RPL31: variants seen among roughly 807,000 people sequenced by gnomAD.
The protein encoded by RPL31 is ribosomal protein L31, also known as large ribosomal subunit protein eL31.
For missense variants in RPL31, 95 were observed against 164.0 expected (o/e 0.58, Z 2.30); for synonymous variants, 51 against 55.0 (o/e 0.93, Z 0.32).
At chr2:101,014,616 T>C (rs897228253) in intron 4 of RPL31, among the ~76,000 whole-genome samples, 1 of 152,250 alleles carries the variant, frequency 6.6e-6, no homozygotes, top group African/African-American at 2.4e-5. Context: ...TGGTGAGCCT[T>C]CTTCCCCTAT....
At chr2:101,007,610 C>A, downstream of RPL31, 1 of 559,744 alleles carries the variant, frequency 1.8e-6, no homozygotes, top group Non-Finnish European at 3.1e-6. Flanking sequence ...ATCAAGGGAA[C>A]CAATGGATAC....
At chr2:101,006,228 C>A in intron 4 of RPL31, 122 bp from the exon 5 acceptor site, 1 of 1,511,478 alleles carries the variant, frequency 6.6e-7, no homozygotes, top group Non-Finnish European at 8.8e-7. Context: ...AAAACTGATC[C>A]ATATCTGGGA....
At chr2:101,007,850 G>A, downstream of RPL31, 6 of 1,613,240 alleles carry the variant, frequency 3.7e-6, no homozygotes, top group East Asian at 2.2e-5. Context: ...AGTTCAGATT[G>A]TGATTGGTGG....
chr2:101,019,625 A>G (rs1679901941), exon 5 of RPL31: 1 of 152,380 alleles, frequency 6.6e-6, no homozygotes, highest in Non-Finnish European at 1.5e-5. Flanking sequence ...GTTACACAGT[A>G]TGAATATCAC....
chr2:101,004,421 C>CT (rs1678643532), intron 3 of RPL31, 138 bp downstream of exon 3: 1 of 902,258 alleles, frequency 1.1e-6, no homozygotes, highest in African/African-American at 1.7e-5. Flanking sequence ...GTGACCGTGA[C>CT]TTAGGGTGTG....
intron 1 of RPL31, 80 bp from the exon 2 acceptor site, chr2:101,002,622 T>C (rs1678583567): frequency 8.4e-7 from 1 of 1,191,614 alleles, no homozygotes; most frequent in African/African-American, 1.5e-5. Context: ...GCCCCGAGAG[T>C]GACAGCGTGA....
chr2:101,006,184 T>A (rs2105350565), intron 4 of RPL31, 113 bp downstream of exon 4: 2 of 1,512,908 alleles, frequency 1.3e-6, no homozygotes, highest in East Asian at 2.4e-5. Flanking sequence ...GTACCCTTTT[T>A]AAATTGTTGG....
At chr2:101,008,008 C>T, downstream of RPL31, 1 of 1,614,002 alleles carries the variant, frequency 6.2e-7, no homozygotes, top group East Asian at 2.2e-5. Context: ...AGTCCAGTCC[C>T]TTTCTGCCGC....
chr2:101,008,234 A>C, downstream of RPL31: 1 of 1,587,724 alleles, frequency 6.3e-7, no homozygotes, highest in South Asian at 1.1e-5. Flanking sequence ...TCTTCATGGA[A>C]CATACTGTAC....
intron 4 of RPL31, among the ~76,000 whole-genome samples, chr2:101,015,405 C>T (rs1176575017): frequency 6.6e-6 from 1 of 152,178 alleles, no homozygotes; most frequent in Non-Finnish European, 1.5e-5. Context: ...GTACTGAGTT[C>T]ATTTTAAAAA....
downstream of RPL31, chr2:101,011,626 G>A (rs1452582867): frequency 7.1e-7 from 1 of 1,403,244 alleles, no homozygotes; most frequent in Non-Finnish European, 1.0e-6. Context: ...GCAACTAAAG[G>A]CTAAGCCAGC....
At chr2:101,008,046 C>T (rs541189292), downstream of RPL31, 16 of 1,613,922 alleles carry the variant, frequency 9.9e-6, no homozygotes, top group Admixed American at 8.3e-5. Context: ...AGTCCTGGGG[C>T]GTCTTCCCAG....
In RPL31 at chr2:101,002,434, A is replaced by G. The variant is rs930575426; in HGVS notation, c.-1+119A>G. The stretch of plus-strand genomic sequence containing the variant: ...AGCCCGGGGCTCCGGTTGTGGGGAG[A>G]TGGGAATACACCCTGCTTTTAAAGG... On this transcript the variant is annotated intron_variant, in intron 1 of 4. Coordinates refer to ENST00000264258, the MANE Select transcript of RPL31 (RefSeq NM_000993.5). The G allele has an allele frequency of 2.8e-4, 133 of 483,408 alleles. 1 individual carries two copies. Among genetic ancestry groups the G allele is most frequent in the Non-Finnish European group, 9.8e-5 (26 of 265,962 alleles). The allele number at this position is 483,408 out of a possible 1,614,324, so 29.9% of individuals were successfully genotyped here.
At position 101,002,749 on chromosome 2, in the gene RPL31, C is replaced by T. The variant is rs141007382; in HGVS notation, c.48C>T (p.Ala16=). The change falls in exon 2 of 5, where the codon GCC becomes GCT. Residue 16 remains alanine (A), a synonymous_variant. Transcript: ENST00000264258. ...KGGEKKKGRS[A]INEVVTREYT... The stretch of plus-strand genomic sequence containing the variant: ...GCGAGAAGAAAAAGGGCCGTTCTGC[C>T]ATCAACGAAGTGGTAACCCGAGAAT... 1.8e-4 allele frequency: 298 copies of T among 1,614,192 alleles called. 6 individuals carry two copies. In the African/African-American group the frequency reaches 2.5e-3, roughly 13 times the overall value.
intron 4 of RPL31, chr2:101,018,117 A>C (rs1679789096): frequency 1.8e-6 from 1 of 553,038 alleles, no homozygotes; most frequent in Admixed American, 3.3e-5. Flanking sequence ...TTTTCATATA[A>C]AGTTTTCAGA....
downstream of RPL31, chr2:101,011,145 C>G: frequency 1.0e-6 from 1 of 984,834 alleles, no homozygotes; most frequent in Non-Finnish European, 1.5e-6. Context: ...AAATTCCATA[C>G]AAAACTGGAA....
At chr2:101,014,950 A>G (rs1367200199) in intron 4 of RPL31, among the ~76,000 whole-genome samples, 1 of 152,096 alleles carries the variant, frequency 6.6e-6, no homozygotes. Flanking sequence ...CTCCACAGCA[A>G]ATATTCTGTG....
chr2:101,010,940 T>C, downstream of RPL31: 1 of 1,612,178 alleles, frequency 6.2e-7, no homozygotes, highest in South Asian at 1.1e-5. Flanking sequence ...TGGCTCATTT[T>C]GGGCAATTCT....
Position 101,002,691 on chromosome 2 carries a change from C to T in RPL31, c.1-11C>T, listed in dbSNP as rs1573832453. 5 of 1,608,944 alleles carry T rather than the reference C, an allele frequency of 3.1e-6. No homozygotes were observed. The highest frequency in any genetic ancestry group is 4.3e-6 in the Non-Finnish European group (5 of 1,175,588). ...AACTCTGCTCTGAGCCTCCTTGTCG[C>T]CTGCATTTAGATGGCTCCCGCAAAG... On this transcript the variant is annotated splice_polypyrimidine_tract_variant and intron_variant, in intron 1 of 4. Transcript: ENST00000264258.
Sources: allele counts gnomAD v4.1 joint callset (sites outside exome capture counted in the v4.1 genomes callset), GRCh38; gene constraint gnomAD v4.1.1; transcripts MANE v1.5; gene names NCBI Gene and HGNC (gene_info 2026-07-23, HGNC 2026-07-21).